NBPF14: variants seen among roughly 807,000 people sequenced by gnomAD.
NBPF14 encodes the protein NBPF family member NBPF14.
NBPF14 carries 104 observed loss-of-function variants against 91.2 expected under a neutral mutation model. The observed-to-expected ratio is 1.14, with a 90% CI of 0.97 to 1.34. The LOEUF (loss-of-function observed/expected upper bound fraction) is 1.34, where lower values mean the gene tolerates loss of function less well. NBPF14 is among the 40% of genes most tolerant of loss of function. The pLI, the probability that NBPF14 is intolerant of heterozygous loss-of-function variation, is 0.00. For missense variants in NBPF14, 908 were observed against 783.0 expected, an observed-to-expected ratio of 1.16 and a Z score of -1.91; for synonymous variants, 294 against 303.8, an observed-to-expected ratio of 0.97 and a Z score of 0.34.
In NBPF14 at chr1:148,537,972, CA is replaced by C; in HGVS notation, c.7968del (p.Glu2657LysfsTer114). The C allele has an allele frequency of 2.9e-6, 1 of 341,956 alleles. No homozygotes were observed. Among genetic ancestry groups the C allele is most frequent in the Admixed American group, 4.6e-5 (1 of 21,584 alleles). 21.2% of individuals were successfully genotyped at this position (341,956 alleles called of 1,614,324 possible). ...CTATCCAGTGAGTCCTGCAAGACTT[CA>C]GGCTCTACTACCTCCAGGAGCTCCC... On this transcript the variant is annotated frameshift_variant, in exon 65 of 71. Coordinates refer to ENST00000619423, the Ensembl canonical transcript of NBPF14. LOFTEE classifies it high-confidence loss of function.
exon 37 of NBPF14, chr1:148,559,915 G>A (rs1657406381): frequency 6.8e-6 from 9 of 1,317,684 alleles, no homozygotes; most frequent in Non-Finnish European, 8.4e-6. Context: ...TCTATCCAGT[G>A]AGTCCTGCAA....
chr1:148,534,575 C>A lies in NBPF14; in HGVS notation c.8614+109G>T, dbSNP rs1347571206. ...AACCTATATGCGCCCATAGGTCCTG[C>A]CTGCGGCAATGACATCTCTCGGGTG... On this transcript the variant is annotated intron_variant, in intron 69 of 70. Transcript: ENST00000619423. The A allele has an allele frequency of 5.6e-5, 45 of 802,466 alleles. 1 individual carries two copies. The highest frequency in any genetic ancestry group is 3.1e-4 in the South Asian group (23 of 74,032). 49.7% of individuals were successfully genotyped at this position (802,466 alleles called of 1,614,324 possible). A position where few individuals can be genotyped will look rare whatever the true frequency, so the allele number is the denominator to read the frequency against.
intron 6 of NBPF14, among the ~76,000 whole-genome samples, chr1:148,590,039 AC>A (rs1662205562): frequency 1.1e-5 from 1 of 90,104 alleles, no homozygotes; most frequent in African/African-American, 4.5e-5. Context: ...TCAGAGACTT[AC>A]TTTTTTTTTT....
chr1:148,585,998 TTAAAAC>T (rs1661467979), intron 9 of NBPF14, among the ~76,000 whole-genome samples: 1 of 151,610 alleles, frequency 6.6e-6, no homozygotes, highest in South Asian at 2.1e-4. Flanking sequence ...TTCCTGTCCT[TTAAAAC>T]TAGACAGATG....
chr1:148,576,072 G>A (rs1374008476), intron 16 of NBPF14, among the ~76,000 whole-genome samples: 7 of 145,248 alleles, frequency 4.8e-5, no homozygotes, highest in Admixed American at 3.4e-4. Context: ...CACTGATGAA[G>A]GGGTTAAAGG....
At chr1:148,577,228 A>G (rs1660002851) in exon 15 of NBPF14, 1 of 685,026 alleles carries the variant, frequency 1.5e-6, no homozygotes, top group Non-Finnish European at 2.6e-6. Flanking sequence ...TCCAATACAT[A>G]AAAGGCACTT....
chr1:148,534,188 G>C (rs1361145186), intron 69 of NBPF14, among the ~76,000 whole-genome samples: 2 of 150,032 alleles, frequency 1.3e-5, no homozygotes, highest in African/African-American at 2.5e-5. Context: ...CTAGTAGATC[G>C]TTATCCCAAT....
chr1:148,533,806 C>G, intron 70 of NBPF14, 55 bp downstream of exon 70: 3 of 766,700 alleles, frequency 3.9e-6, no homozygotes, highest in Admixed American at 3.4e-5. Context: ...TTCCCTGAAT[C>G]TGTTGCCTCC....
At chr1:148,533,865 G>A in exon 70 of NBPF14, 1 of 763,998 alleles carries the variant, frequency 1.3e-6, no homozygotes, top group Non-Finnish European at 2.4e-6. Context: ...AGTCACCTGG[G>A]GCATGGTGGG....
chr1:148,533,643 G>C (rs1295319434), intron 70 of NBPF14, among the ~76,000 whole-genome samples: 1 of 147,178 alleles, frequency 6.8e-6, no homozygotes, highest in African/African-American at 2.5e-5. Context: ...TGAGAGTACA[G>C]CTTTTGAAGT....
intron 70 of NBPF14, 75 bp from the exon 71 acceptor site, chr1:148,533,323 G>T: frequency 2.1e-6 from 1 of 482,606 alleles, no homozygotes; most frequent in South Asian, 2.3e-5. Context: ...GATTTCAGAA[G>T]CAACATAAGG....
intron 68 of NBPF14, among the ~76,000 whole-genome samples, chr1:148,535,068 G>T (rs1344088338): frequency 6.8e-6 from 1 of 146,652 alleles, no homozygotes; most frequent in Non-Finnish European, 1.5e-5. Context: ...GAGAGAGAGA[G>T]AGGAGAAAGT....
rs1299272347 is a variant in NBPF14 at position 148,534,669 on chromosome 1, T to C, written c.8614+15A>G. 1,379 of 804,020 alleles carry C rather than the reference T, an allele frequency of 1.7e-3. 4 individuals are homozygous for C. The highest frequency in any genetic ancestry group is 6.8e-3 in the East Asian group (279 of 41,180). 49.8% of individuals were successfully genotyped at this position (804,020 alleles called of 1,614,324 possible). A position where few individuals can be genotyped will look rare whatever the true frequency, so the allele number is the denominator to read the frequency against. On this transcript the variant is annotated intron_variant, in intron 69 of 70. Coordinates refer to ENST00000619423, the Ensembl canonical transcript of NBPF14. ...ACCAGGTGGAGGCTTATCACCTTCA[T>C]AGTAAGGTACTCACTGTCCACGTCA...
intron 22 of NBPF14, among the ~76,000 whole-genome samples, chr1:148,571,284 G>T (rs1659126523): frequency 1.1e-5 from 1 of 90,244 alleles, no homozygotes; most frequent in African/African-American, 6.9e-5. Flanking sequence ...CAGAGAGAGA[G>T]AGAGAGAGAA....
chr1:148,592,684 G>T, exon 4 of NBPF14: 1 of 1,588,376 alleles, frequency 6.3e-7, no homozygotes, highest in Non-Finnish European at 8.6e-7. Flanking sequence ...TACAATGAGC[G>T]GGAGGCATCT....
intron 68 of NBPF14, among the ~76,000 whole-genome samples, 177 bp downstream of exon 68, chr1:148,535,276 A>G (rs1304043586): frequency 6.7e-6 from 1 of 150,300 alleles, no homozygotes; most frequent in Non-Finnish European, 1.5e-5. Flanking sequence ...AGTAAATGAT[A>G]AGGGGAGGAA....
At chr1:148,535,932 A>G (rs1655096500) in intron 67 of NBPF14, among the ~76,000 whole-genome samples, 1 of 150,508 alleles carries the variant, frequency 6.6e-6, no homozygotes, top group Non-Finnish European at 1.5e-5. Context: ...TACAAAATTG[A>G]GACAAAATCA....
chr1:148,577,621 C>T (rs1660127239), intron 14 of NBPF14, among the ~76,000 whole-genome samples: 2 of 149,956 alleles, frequency 1.3e-5, no homozygotes, highest in Non-Finnish European at 2.9e-5. Context: ...TCAGGTGACA[C>T]ACTGATGAGG....
At chr1:148,595,388 C>T (rs1663157222) in intron 2 of NBPF14, among the ~76,000 whole-genome samples, 155 bp downstream of exon 2, 1 of 148,452 alleles carries the variant, frequency 6.7e-6, no homozygotes, top group African/African-American at 2.5e-5. Context: ...GCACCTCTGT[C>T]TTCCAACTTT....
Sources: gnomAD v4.1 joint callset for allele counts (sites outside exome capture counted in the v4.1 genomes callset) on GRCh38, gnomAD v4.1.1 for gene constraint, MANE v1.5 for transcripts, NCBI Gene and HGNC (gene_info 2026-07-23, HGNC 2026-07-21) for gene names.